The following CASP10 variants were observed in gnomAD, a reference collection of about 807,000 sequenced individuals.
CASP10 encodes caspase 10, also known as caspase-10.
CASP10 carries 41 observed loss-of-function variants against 48.5 expected under a neutral mutation model. The observed-to-expected ratio is 0.85, with a 90% confidence interval of 0.66 to 1.10. The LOEUF is 1.10. Among genes scored for constraint, CASP10 ranks in the 50% least tolerant of loss-of-function variants. The pLI is 0.00. For synonymous variants in CASP10, 232 were observed against 238.4 expected (o/e 0.97, Z 0.25); for missense variants, 614 against 614.5 (o/e 1.00, Z 0.01).
Position 201,218,502 on chromosome 2 carries a change from AT to A in CASP10, c.*762del. 8.2e-6 allele frequency: 6 copies of A among 727,758 alleles called. No homozygotes were observed. Among genetic ancestry groups the A allele is most frequent in the African/African-American group, 2.0e-5 (1 of 51,140 alleles). The allele number at this position is 727,758 out of a possible 1,614,324, so 45.1% of individuals were successfully genotyped here. A position where few individuals can be genotyped will look rare whatever the true frequency, so the allele number is the denominator to read the frequency against. On this transcript the variant is annotated 3_prime_UTR_variant, in exon 10 of 10. Coordinates refer to ENST00000286186, the MANE Select transcript of CASP10 (RefSeq NM_032977.4). ...TTTTTTGTGGAGATGGGGTTTCACTATGTTGCCTAAGCTGGTCTCAAACTCC... is the reference window on the plus strand; with the variant it reads ...TTTTTTGTGGAGATGGGGTTTCACTAGTTGCCTAAGCTGGTCTCAAACTCC...
chr2:201,219,852 C>T lies in CASP10; in HGVS notation c.*2111C>T, dbSNP rs1945677993. On this transcript the variant is annotated 3_prime_UTR_variant, in exon 10 of 10. Transcript: ENST00000286186. ...TCATTTATAGATGAGGCAGCTGAGGCCTGGGGATGTGAACAACCTGCTCAC... is the reference window on the plus strand; with the variant it reads ...TCATTTATAGATGAGGCAGCTGAGGTCTGGGGATGTGAACAACCTGCTCAC... The T allele has an allele frequency of 5.1e-6, 5 of 985,064 alleles. No homozygotes were observed. The South Asian group carries it at 2.3e-4, about 46-fold the overall frequency. The allele number at this position is 985,064 out of a possible 1,614,324, so 61.0% of individuals were successfully genotyped here. A position where few individuals can be genotyped will look rare whatever the true frequency, so the allele number is the denominator to read the frequency against.
chr2:201,193,450 CA>C (rs1944681673), intron 4 of CASP10: 1 of 336,400 alleles, frequency 3.0e-6, no homozygotes, highest in Admixed American at 4.1e-5. Context: ...TCAAGTGATC[CA>C]CCCACCTCGG....
At chr2:201,202,751 T>C (rs1452423186) in intron 5 of CASP10, among the ~76,000 whole-genome samples, 2 of 152,084 alleles carry the variant, frequency 1.3e-5, no homozygotes, top group Non-Finnish European at 2.9e-5. Context: ...CAGGTCCCCT[T>C]GGGGGCTTTC....
chr2:201,206,022 C>A (rs2126042151), intron 7 of CASP10, 49 bp downstream of exon 7: 1 of 1,197,032 alleles, frequency 8.4e-7, no homozygotes, highest in Non-Finnish European at 1.2e-6. Flanking sequence ...ATTTTTTTTC[C>A]AAATTTAATC....
intron 3 of CASP10, among the ~76,000 whole-genome samples, chr2:201,191,152 G>T (rs1421548181): frequency 6.6e-6 from 1 of 152,102 alleles, no homozygotes; most frequent in African/African-American, 2.4e-5. Context: ...ATGAGCCACT[G>T]TGCCTGCCCA....
At chr2:201,195,019 AGCCT>A (rs1944740821) in intron 4 of CASP10, among the ~76,000 whole-genome samples, 1 of 151,846 alleles carries the variant, frequency 6.6e-6, no homozygotes, top group South Asian at 2.1e-4. Flanking sequence ...CCTCATGATC[AGCCT>A]GCCTCGGCCT....
rs565501691 is a variant in CASP10, at chr2:201,184,829, G to T, written c.-7-942G>T. Among the ~76,000 whole-genome samples the T allele has an allele frequency of 7.9e-4, 119 of 150,146 alleles. 1 individual carries two copies. The highest frequency in any genetic ancestry group is 7.7e-3 in the Admixed American group (116 of 15,038). Reference sequence around the variant, plus strand: ...ATGGAAACATTGACTCATGTAATTTGTTTTTTTTTAGTGAAAACAAGTTTA... The same window carrying T: ...ATGGAAACATTGACTCATGTAATTTTTTTTTTTTTAGTGAAAACAAGTTTA... On this transcript the variant is annotated intron_variant, in intron 1 of 9. Coordinates refer to ENST00000286186, the MANE Select transcript of CASP10 (RefSeq NM_032977.4).
intron 1 of CASP10, among the ~76,000 whole-genome samples, chr2:201,184,896 A>T (rs950611647): frequency 2.0e-5 from 3 of 152,206 alleles, no homozygotes; most frequent in Non-Finnish European, 4.4e-5. Flanking sequence ...CTCCATAGAC[A>T]GAGCAGCCGA....
In CASP10 at chr2:201,186,133, G is replaced by T. The variant is rs7608787; in HGVS notation, c.347+9G>T. 0.012 allele frequency: 18,653 copies of T among 1,602,776 alleles called. 1,846 individuals are homozygous for T. In the African/African-American group the frequency reaches 0.22, roughly 19 times the overall value. The stretch of plus-strand genomic sequence containing the variant: ...AGGGTTTCTCTGTTTAGGTGAGGAC[G>T]GGTCTGTGGTGGAGATGGGAGGATC... On this transcript the variant is annotated intron_variant, in intron 2 of 9. Coordinates refer to ENST00000286186, the MANE Select transcript of CASP10 (RefSeq NM_032977.4).
At chr2:201,206,094 T>C in intron 7 of CASP10, 121 bp downstream of exon 7, 1 of 638,708 alleles carries the variant, frequency 1.6e-6, no homozygotes, top group Non-Finnish European at 2.8e-6. Flanking sequence ...TTTTAAGGGC[T>C]CCGAGCTGTT....
At chr2:201,183,410 A>G (rs971666631) in intron 1 of CASP10, 102 bp downstream of exon 1, 1 of 152,194 alleles carries the variant, frequency 6.6e-6, no homozygotes, top group East Asian at 1.9e-4. Context: ...CTTGTCAGCA[A>G]TGGCACTATT....
chr2:201,208,095 G>C lies in CASP10; in HGVS notation c.834G>C (p.Met278Ile). ...TSTKRAAVYR[M>I]NRNHRGLCVI... ...TCAAGAGGGCAGCTGTGTACAGGATGAATCGGAACCACAGAGGCCTCTGTG... is the reference window on the plus strand; with the variant it reads ...TCAAGAGGGCAGCTGTGTACAGGATCAATCGGAACCACAGAGGCCTCTGTG... The change falls in exon 8 of 10, where the codon ATG becomes ATC. Residue 278 changes from methionine (M) to isoleucine (I), a missense_variant. Physicochemically the swap from Met to Ile is conservative, Grantham distance 10 (BLOSUM62 1). Transcript: ENST00000286186. 6.2e-7 allele frequency: 1 copy of C among 1,613,768 alleles called. No homozygotes were observed. The highest frequency in any genetic ancestry group is 8.5e-7 in the Non-Finnish European group (1 of 1,179,720).
intron 5 of CASP10, among the ~76,000 whole-genome samples, chr2:201,198,247 G>C (rs1381956027): frequency 6.9e-6 from 1 of 145,072 alleles, no homozygotes; most frequent in Non-Finnish European, 1.5e-5. Flanking sequence ...TTTTTGAGAC[G>C]GAGTCTCACT....
chr2:201,203,788 T>C, intron 6 of CASP10, 22 bp downstream of exon 6: 1 of 1,601,056 alleles, frequency 6.2e-7, no homozygotes, highest in Non-Finnish European at 8.6e-7. Context: ...TAATGTACTT[T>C]TTACAACTTA....
chr2:201,185,863 CA>C lies in CASP10; in HGVS notation c.89del (p.Asn30ThrfsTer15). The C allele has an allele frequency of 6.2e-7, 1 of 1,613,994 alleles. No homozygotes were observed. Among genetic ancestry groups the C allele is most frequent in the Non-Finnish European group, 8.5e-7 (1 of 1,179,948 alleles). ...CGTGAGAAGCTTCTGATTATTGATT[CA>C]AACCTGGGGGTCCAAGATGTGGAGA... ...SFREKLLIIDSNLGVQDVENL... is the reference protein window; with the variant it reads ...SFREKLLIIDXNLGVQDVENL... On this transcript the variant is annotated frameshift_variant, in exon 2 of 10. Coordinates refer to ENST00000286186, the MANE Select transcript of CASP10 (RefSeq NM_032977.4). LOFTEE classifies it high-confidence loss of function.
chr2:201,204,721 C>CT (rs1267649987), intron 6 of CASP10, among the ~76,000 whole-genome samples: 2 of 152,218 alleles, frequency 1.3e-5, no homozygotes, highest in Admixed American at 6.5e-5. Flanking sequence ...ATCCCAGTGT[C>CT]TATTTATGTG....
chr2:201,217,876 A>G lies in CASP10; in HGVS notation c.*135A>G. On this transcript the variant is annotated 3_prime_UTR_variant, in exon 10 of 10. Transcript: ENST00000286186. ...AAACACCGTGTTTTCTGACACAGTC[A>G]ATTCTGATTTTCTTTTTCTTTTGCA... 1 of 1,577,088 alleles carries G rather than the reference A, an allele frequency of 6.3e-7. No individual in the cohort carries two copies. The highest frequency in any genetic ancestry group is 1.2e-5 in the South Asian group (1 of 85,610).
At position 201,217,603 on chromosome 2, in the gene CASP10, A is replaced by G; in HGVS notation, c.1431A>G (p.Leu477=). The change falls in exon 10 of 10, where the codon TTA becomes TTG. Residue 477 remains leucine (L), a synonymous_variant. Coordinates refer to ENST00000286186, the MANE Select transcript of CASP10 (RefSeq NM_032977.4). The stretch of plus-strand genomic sequence containing the variant: ...TTTGTTGCAGACATGAAGACATCTT[A>G]TCCATCCTCACTGCTGTCAACGATG... ...KKLVPRHEDI[L]SILTAVNDDV... 6.2e-7 allele frequency: 1 copy of G among 1,613,778 alleles called. No homozygotes were observed. Among genetic ancestry groups the G allele is most frequent in the Non-Finnish European group, 8.5e-7 (1 of 1,179,650 alleles).
intron 6 of CASP10, 117 bp from the exon 7 acceptor site, chr2:201,205,765 T>C: frequency 1.4e-6 from 1 of 720,484 alleles, no homozygotes; most frequent in Non-Finnish European, 2.6e-6. Context: ...TGGCTGAATT[T>C]GTCTCAGGAG....
Sources: gnomAD v4.1 joint callset for allele counts (sites outside exome capture counted in the v4.1 genomes callset) on GRCh38, gnomAD v4.1.1 for gene constraint, MANE v1.5 for transcripts, NCBI Gene and HGNC (gene_info 2026-07-23, HGNC 2026-07-21) for gene names.